UBA5: variants seen among roughly 807,000 people sequenced by gnomAD.
UBA5 encodes ubiquitin like modifier activating enzyme 5.
Under a neutral mutation model 52.9 loss-of-function variants are expected in UBA5, and 28 were observed. That is an observed-to-expected ratio of 0.53 (90% CI 0.39 to 0.73). The LOEUF (loss-of-function observed/expected upper bound fraction) is 0.73, where lower values mean the gene tolerates loss of function less well. UBA5 is among the 30% of genes least tolerant of loss of function. The pLI, the probability that UBA5 is intolerant of heterozygous loss-of-function variation, is 0.00. For missense variants in UBA5, 388 were observed against 492.7 expected (o/e 0.79, Z 2.01); for synonymous variants, 135 against 162.1 (o/e 0.83, Z 1.27).
At chr3:132,673,476 T>C (rs549414811) in intron 8 of UBA5, among the ~76,000 whole-genome samples, 1 of 151,932 alleles carries the variant, frequency 6.6e-6, no homozygotes, top group African/African-American at 2.4e-5. Flanking sequence ...GCCTTCCAAG[T>C]AGTTGGAAGT....
chr3:132,661,753 A>C (rs1938178158), intron 1 of UBA5, among the ~76,000 whole-genome samples: 1 of 152,300 alleles, frequency 6.6e-6, no homozygotes, highest in East Asian at 1.9e-4. Flanking sequence ...AAAATTGTAT[A>C]GTGTTAAAGT....
upstream of UBA5, among the ~76,000 whole-genome samples, chr3:132,656,081 T>A (rs147804534): frequency 1.4e-3 from 209 of 152,364 alleles, 1 homozygote; most frequent in African/African-American, 4.9e-3. Flanking sequence ...TATTTATCAT[T>A]CCCTTGAAGT....
chr3:132,666,835 A>G (rs1938398176), intron 3 of UBA5, among the ~76,000 whole-genome samples: 1 of 152,120 alleles, frequency 6.6e-6, no homozygotes, highest in Admixed American at 6.5e-5. Flanking sequence ...ATACCTTTCA[A>G]AAGATTTACA....
chr3:132,661,384 A>G (rs1017144973), intron 1 of UBA5, among the ~76,000 whole-genome samples: 1 of 152,232 alleles, frequency 6.6e-6, no homozygotes, highest in Non-Finnish European at 1.5e-5. Context: ...GATAATAGTA[A>G]TATCTATCTC....
In UBA5 at chr3:132,676,906, T is replaced by A; in HGVS notation, c.*380T>A. The A allele has an allele frequency of 2.2e-6, 1 of 456,740 alleles. No homozygotes were observed. The highest frequency in any genetic ancestry group is 4.4e-6 in the Non-Finnish European group (1 of 227,374). The allele number at this position is 456,740 out of a possible 1,614,324, so 28.3% of individuals were successfully genotyped here. A position where few individuals can be genotyped will look rare whatever the true frequency, so the allele number is the denominator to read the frequency against. On this transcript the variant is annotated 3_prime_UTR_variant, in exon 12 of 12. Transcript: ENST00000356232. This position sits in a 1 kb window ranked among gnomAD's most constrained non-coding sequence, Gnocchi z 4.1. ...ACATGGACAATAAAGTAGTATATGATCCTCAGATACAGGGAGAAGGACAAG... is the reference window on the plus strand; with the variant it reads ...ACATGGACAATAAAGTAGTATATGAACCTCAGATACAGGGAGAAGGACAAG...
chr3:132,656,002 C>G (rs1171181302), upstream of UBA5, among the ~76,000 whole-genome samples: 1 of 152,140 alleles, frequency 6.6e-6, no homozygotes, highest in Non-Finnish European at 1.5e-5. Context: ...TTTTCACTAC[C>G]CGGAGAAAAT....
At chr3:132,670,908 AT>A in intron 5 of UBA5, 56 bp from the exon 6 acceptor site, 1 of 1,224,124 alleles carries the variant, frequency 8.2e-7, no homozygotes, top group Non-Finnish European at 1.2e-6. Context: ...AGTAAGTATA[AT>A]GTATTAGAGT....
In UBA5 at chr3:132,676,556, A is replaced by C; in HGVS notation, c.*30A>C. The C allele has an allele frequency of 1.2e-5, 18 of 1,519,536 alleles. No individual in the cohort carries two copies. The highest frequency in any genetic ancestry group is 2.8e-5 in the African/African-American group (2 of 71,480). The allele number at this position is 1,519,536 out of a possible 1,614,324, so 94.1% of individuals were successfully genotyped here. On this transcript the variant is annotated 3_prime_UTR_variant, in exon 12 of 12. Transcript: ENST00000356232. This position sits in a 1 kb window ranked among gnomAD's most constrained non-coding sequence, Gnocchi z 4.1. ...TGGACTGGGATATATTGTATTTCTC[A>C]TGTTAAAGCCTCTTCCCTTGAAATT...
upstream of UBA5, chr3:132,659,723 T>C (rs1311664016): frequency 6.2e-7 from 1 of 1,608,894 alleles, no homozygotes; most frequent in East Asian, 2.2e-5. Context: ...TTCGGCCAAA[T>C]CGGACTCGCC....
intron 1 of UBA5, among the ~76,000 whole-genome samples, chr3:132,662,780 T>C (rs1938221169): frequency 6.6e-6 from 1 of 152,170 alleles, no homozygotes; most frequent in Non-Finnish European, 1.5e-5. Context: ...AAATCCTGGC[T>C]CAGAAACCCA....
chr3:132,671,870 G>A lies in UBA5; in HGVS notation c.673G>A (p.Ala225Thr), dbSNP rs756719767. 1.9e-6 allele frequency: 3 copies of A among 1,613,016 alleles called. No homozygotes were observed. The highest frequency in any genetic ancestry group is 2.2e-5 in the South Asian group (2 of 90,766). Residue 225 changes from alanine to threonine, a missense_variant, in exon 7 of 12, where the codon GCT becomes ACT. By Grantham distance (58) the Ala-to-Thr change is moderately conservative (BLOSUM62 0). Around this residue, in one of 3 missense-constraint regions of UBA5, gnomAD observed 277 missense variants for 326.4 expected, o/e 0.85. Transcript: ENST00000356232. ...HIQLIIPGES[A>T]CFACAPPLVV... The stretch of plus-strand genomic sequence containing the variant: ...ACAGCTTATAATTCCTGGAGAATCT[G>A]CTTGTTTTGCGGTATGCATTATTCT...
chr3:132,678,998 A>G lies in UBA5; in HGVS notation c.*2472A>G, dbSNP rs527502304. The stretch of plus-strand genomic sequence containing the variant: ...TTGACCCCTGCATCACATTTTTTTC[A>G]TATTTCCCTTTCTGTAATCTCAGCA... On this transcript the variant is annotated 3_prime_UTR_variant, in exon 12 of 12. Transcript: ENST00000356232. 2.0e-5 allele frequency among the ~76,000 whole-genome samples: 3 copies of G among 151,742 alleles called. No homozygotes were observed. The South Asian group carries it at 6.2e-4, about 32-fold the overall frequency.
At chr3:132,659,688 T>C (rs748572840), upstream of UBA5, 14 of 1,611,634 alleles carry the variant, frequency 8.7e-6, no homozygotes, top group Admixed American at 1.5e-4. Flanking sequence ...AGGGACTTGC[T>C]GTCGAACTTG....
chr3:132,675,650 G>A lies in UBA5; in HGVS notation c.994G>A (p.Glu332Lys). 2 of 1,612,722 alleles carry A rather than the reference G, an allele frequency of 1.2e-6. No homozygotes were observed. Among genetic ancestry groups the A allele is most frequent in the Non-Finnish European group, 1.7e-6 (2 of 1,179,280 alleles). The change falls in exon 10 of 12, where the codon GAA (glutamate) becomes AAA (lysine). Residue 332 changes from glutamate to lysine, a missense_variant. Around this residue, in one of 3 missense-constraint regions of UBA5, gnomAD observed 277 missense variants for 326.4 expected, o/e 0.85. Coordinates refer to ENST00000356232, the MANE Select transcript of UBA5 (RefSeq NM_024818.6). The part of the protein sequence containing the change: ...LPKQEVIQEE[E>K]EIIHEDNEWG... Reference sequence around the variant, plus strand: ...TAAACAAGAGGTTATACAAGAAGAGGAAGAGATAATCCATGAAGATAATGA... The same window carrying A: ...TAAACAAGAGGTTATACAAGAAGAGAAAGAGATAATCCATGAAGATAATGA...
upstream of UBA5, chr3:132,659,813 G>C: frequency 6.6e-7 from 1 of 1,522,986 alleles, no homozygotes; most frequent in Non-Finnish European, 8.8e-7. Flanking sequence ...AAGTCCTTCA[G>C]GATTGGGGCA....
rs1179459281 is a variant in UBA5, at chr3:132,675,396, C to T, written c.948+13C>T. The stretch of plus-strand genomic sequence containing the variant: ...GGAGGAATATAAGGTATATGACAAT[C>T]TGTTAGAATGCATGAGGGATCATAT... On this transcript the variant is annotated intron_variant, in intron 9 of 11. Coordinates refer to ENST00000356232, the MANE Select transcript of UBA5 (RefSeq NM_024818.6). The T allele has an allele frequency of 9.3e-6, 15 of 1,612,124 alleles. No individual in the cohort carries two copies. The highest frequency in any genetic ancestry group is 1.1e-5 in the Non-Finnish European group (13 of 1,179,084).
At chr3:132,674,837 A>G (rs1938762275) in intron 8 of UBA5, among the ~76,000 whole-genome samples, 1 of 152,238 alleles carries the variant, frequency 6.6e-6, no homozygotes, top group Admixed American at 6.5e-5. Flanking sequence ...AGTAAGTTAC[A>G]TACAAAATGT....
intron 1 of UBA5, among the ~76,000 whole-genome samples, chr3:132,663,854 T>C (rs1576640187): frequency 6.6e-6 from 1 of 152,092 alleles, no homozygotes; most frequent in Non-Finnish European, 1.5e-5. Flanking sequence ...AGAGAAGATA[T>C]GGTACAAATG....
At chr3:132,663,059 G>T (rs1938233876) in intron 1 of UBA5, among the ~76,000 whole-genome samples, 1 of 152,136 alleles carries the variant, frequency 6.6e-6, no homozygotes, top group African/African-American at 2.4e-5. Flanking sequence ...GGAGGGGTGG[G>T]TCCCTGTACT....
Sources: allele counts gnomAD v4.1 joint callset (sites outside exome capture counted in the v4.1 genomes callset), GRCh38; gene constraint gnomAD v4.1.1; regional missense constraint gnomAD v4.1.1; non-coding constraint Gnocchi (gnomAD v3.1); transcripts MANE v1.5; gene names NCBI Gene and HGNC (gene_info 2026-07-23, HGNC 2026-07-21).